Variants in EIF2B3 observed in about 807,000 individuals in gnomAD.
EIF2B3 encodes the protein translation initiation factor eIF2B subunit gamma.
In EIF2B3, 20 loss-of-function variants were observed where a neutral mutation model predicts 54.1. That is an observed-to-expected ratio of 0.37 (90% CI 0.26 to 0.54). EIF2B3 has a LOEUF of 0.54. EIF2B3 is among the 20% of genes least tolerant of loss of function. The probability of loss-of-function intolerance (pLI) is 0.86; values close to 1 mark genes in which losing one functional copy is unlikely to be tolerated. For synonymous variants in EIF2B3, 153 were observed against 188.1 expected (o/e 0.81, Z 1.52); for missense variants, 448 against 547.8 (o/e 0.82, Z 1.82).
chr1:44,937,989 A>T (rs1226572), intron 4 of EIF2B3, among the ~76,000 whole-genome samples: 71,207 of 149,760 alleles, frequency 0.48, 17,691 homozygotes, highest in African/African-American at 0.62. Flanking sequence ...TCTTAGTATC[A>T]GTATCTCCTA....
intron 3 of EIF2B3, among the ~76,000 whole-genome samples, chr1:44,946,444 C>CTTTTTTTT (rs758880130): frequency 7.1e-5 from 10 of 140,318 alleles, no homozygotes; most frequent in Admixed American, 1.4e-4. Flanking sequence ...TTCATAATAC[C>CTTTTTTTT]TTTTTTTTTT....
At chr1:44,868,286 T>C (rs997906288) in intron 10 of EIF2B3, among the ~76,000 whole-genome samples, 4 of 149,820 alleles carry the variant, frequency 2.7e-5, no homozygotes, top group African/African-American at 9.9e-5. Flanking sequence ...TAGTCCCAGC[T>C]ACTCAGGAGG....
intron 5 of EIF2B3, among the ~76,000 whole-genome samples, chr1:44,906,404 G>C (rs999245012): frequency 3.3e-5 from 5 of 152,180 alleles, no homozygotes; most frequent in Non-Finnish European, 1.5e-5. Flanking sequence ...TGCATGGCTA[G>C]AGTTATACTA....
chr1:44,875,631 A>G lies in EIF2B3; in HGVS notation c.1040T>C (p.Val347Ala), dbSNP rs1655098667. 3 of 1,614,168 alleles carry G rather than the reference A, an allele frequency of 1.9e-6. No homozygotes were observed. The highest frequency in any genetic ancestry group is 1.7e-6 in the Non-Finnish European group (2 of 1,180,018). Residue 347 changes from valine to alanine, a missense_variant, in exon 9 of 12, where the codon GTC becomes GCC. Val to Ala is a moderately conservative substitution (Grantham distance 64). This residue lies in a region of EIF2B3 where 350 missense variants were observed against 414.2 expected (regional missense o/e 0.85). Coordinates refer to ENST00000360403, the MANE Select transcript of EIF2B3 (RefSeq NM_020365.5). ...ACTAGCACTTACCAGGTGTTTGCTGACAATCTGGGCTGACGAATGGACTGG... is the reference window on the plus strand; with the variant it reads ...ACTAGCACTTACCAGGTGTTTGCTGGCAATCTGGGCTGACGAATGGACTGG... Reference protein sequence around the residue: ...EPPVHSSAQIVSKHLVGVDSL... With the variant: ...EPPVHSSAQIASKHLVGVDSL...
chr1:44,974,060 G>A (rs910926332), intron 3 of EIF2B3, among the ~76,000 whole-genome samples: 5 of 151,996 alleles, frequency 3.3e-5, no homozygotes, highest in Admixed American at 6.6e-5. Flanking sequence ...ACTCTAATCA[G>A]AAGCACCCAA....
rs537376573 is a variant in EIF2B3, at chr1:44,931,631, G to T, written c.455-4892C>A. Among the ~76,000 whole-genome samples, 6 of 152,342 alleles carry T rather than the reference G, an allele frequency of 3.9e-5. No individual in the cohort carries two copies. The South Asian group carries it at 1.0e-3, about 26-fold the overall frequency. On this transcript the variant is annotated intron_variant, in intron 4 of 11. Coordinates refer to ENST00000360403, the MANE Select transcript of EIF2B3 (RefSeq NM_020365.5). ...TATGTAGTAAAAACTAACACAACAT[G>T]TAAAAGGATAATAAGCCATGACCGA...
At chr1:44,862,792 T>C (rs1654650386) in intron 10 of EIF2B3, among the ~76,000 whole-genome samples, 5 of 151,908 alleles carry the variant, frequency 3.3e-5, no homozygotes, top group Admixed American at 3.3e-4. Context: ...AGAGATGGGG[T>C]TTCATTATGT....
chr1:44,867,867 TAAAA>T (rs768045271), intron 10 of EIF2B3, among the ~76,000 whole-genome samples: 3 of 99,476 alleles, frequency 3.0e-5, no homozygotes. Flanking sequence ...ATTCTGTCTC[TAAAA>T]AAAAAAAAAA....
chr1:44,981,302 C>G, intron 1 of EIF2B3, 125 bp from the exon 2 acceptor site: 1 of 959,818 alleles, frequency 1.0e-6, no homozygotes, highest in South Asian at 1.3e-5. Context: ...TAATTCCTAA[C>G]TCTAGCAATC....
intron 3 of EIF2B3, chr1:44,958,838 C>T: frequency 4.1e-6 from 4 of 973,216 alleles, no homozygotes; most frequent in South Asian, 1.3e-5. Flanking sequence ...GAGCAGTGGG[C>T]TTCTGGACAT....
chr1:44,899,692 G>A (rs893502411), intron 5 of EIF2B3, among the ~76,000 whole-genome samples: 3 of 152,112 alleles, frequency 2.0e-5, no homozygotes, highest in Non-Finnish European at 2.9e-5. Flanking sequence ...AACAGATGCC[G>A]GTGAGACTGT....
chr1:44,931,382 T>G (rs1383382737), intron 4 of EIF2B3, among the ~76,000 whole-genome samples: 1 of 152,244 alleles, frequency 6.6e-6, no homozygotes, highest in Non-Finnish European at 1.5e-5. Flanking sequence ...TCTGAAAGAC[T>G]GGTGGACCAG....
At chr1:44,918,250 A>AT in intron 5 of EIF2B3, among the ~76,000 whole-genome samples, 1 of 146,526 alleles carries the variant, frequency 6.8e-6, no homozygotes. Context: ...CGCTCAAATA[A>AT]TTTTTCTAAT....
At chr1:44,959,273 T>C (rs1644260463) in intron 3 of EIF2B3, 1 of 682,724 alleles carries the variant, frequency 1.5e-6, no homozygotes, top group East Asian at 2.7e-5. Context: ...ACCTTTTTTT[T>C]TGTGGGTTCT....
At chr1:44,981,614 G>A (rs903095804) in intron 1 of EIF2B3, among the ~76,000 whole-genome samples, 12 of 152,102 alleles carry the variant, frequency 7.9e-5, no homozygotes. Context: ...TTTACCAAGT[G>A]GACTTCTGAT....
At chr1:44,935,987 G>A (rs931670476) in intron 4 of EIF2B3, among the ~76,000 whole-genome samples, 15 of 150,974 alleles carry the variant, frequency 9.9e-5, no homozygotes, top group Non-Finnish European at 4.4e-5. Context: ...TAGTTCAGGA[G>A]TTGGCATAAT....
chr1:44,983,709 T>TA lies in EIF2B3; in HGVS notation c.-9-2533dup, dbSNP rs201678108. ...CAACTTGGTGAAACTCTGTCTCTAC[T>TA]AAAAAAAAATTTTTTTTTTTGAAAC... On this transcript the variant is annotated intron_variant, in intron 1 of 11. Transcript: ENST00000360403. 5.2e-3 allele frequency among the ~76,000 whole-genome samples: 780 copies of TA among 150,026 alleles called. 11 individuals carry two copies. Among genetic ancestry groups the TA allele is most frequent in the African/African-American group, 0.018 (747 of 40,902 alleles).
At chr1:44,937,045 T>C (rs1643955757) in intron 4 of EIF2B3, among the ~76,000 whole-genome samples, 1 of 152,198 alleles carries the variant, frequency 6.6e-6, no homozygotes, top group African/African-American at 2.4e-5. Context: ...ACAATCATGG[T>C]GCAGTGCTGG....
At chr1:44,852,336 C>T (rs1654298131) in intron 11 of EIF2B3, among the ~76,000 whole-genome samples, 2 of 152,068 alleles carry the variant, frequency 1.3e-5, no homozygotes, top group Non-Finnish European at 2.9e-5. Context: ...TCCTGTTGCA[C>T]TCTTACTACC....
Sources: allele counts gnomAD v4.1 joint callset (sites outside exome capture counted in the v4.1 genomes callset), GRCh38; gene constraint gnomAD v4.1.1; regional missense constraint gnomAD v4.1.1; transcripts MANE v1.5; gene names NCBI Gene and HGNC (gene_info 2026-07-23, HGNC 2026-07-21).